DOP1B: variants seen among roughly 807,000 people sequenced by gnomAD.
The protein encoded by DOP1B is DOP1 leucine zipper like protein B.
DOP1B carries 174 observed loss-of-function variants against 233.5 expected under a neutral mutation model. The ratio of observed to expected loss-of-function variants is 0.75; its 90% CI spans 0.66 to 0.85. The LOEUF (loss-of-function observed/expected upper bound fraction) is 0.85. Among genes scored for constraint, DOP1B ranks in the 40% least tolerant of loss-of-function variants. The pLI is 0.00. For synonymous variants in DOP1B, 1,190 were observed against 1,185.6 expected, an observed-to-expected ratio of 1.00 and a Z score of -0.08; for missense variants, 2,652 against 2,846.6, an observed-to-expected ratio of 0.93 and a Z score of 1.56.
chr21:36,240,105 G>A, intron 18 of DOP1B, 150 bp downstream of exon 18: 1 of 915,148 alleles, frequency 1.1e-6, no homozygotes, highest in Admixed American at 3.1e-5. Context: ...GGCAATTTAA[G>A]GACCTAGTGA....
Position 36,237,674 on chromosome 21 carries a change from G to C in DOP1B, c.2775+260G>C, listed in dbSNP as rs190001801. On this transcript the variant is annotated intron_variant, in intron 16 of 36. Transcript: ENST00000691173. ...GAAACCTGCCCAAACTTGCTGGAAGGACTTGCAGGGCTTCTGCAGGTGTTG... is the reference window on the plus strand; with the variant it reads ...GAAACCTGCCCAAACTTGCTGGAAGCACTTGCAGGGCTTCTGCAGGTGTTG... 1.9e-3 allele frequency among the ~76,000 whole-genome samples: 293 copies of C among 152,322 alleles called. 1 individual carries two copies. Among genetic ancestry groups the C allele is most frequent in the Middle Eastern group, 6.8e-3 (2 of 294 alleles).
At chr21:36,179,024 A>T (rs2066064644) in intron 2 of DOP1B, among the ~76,000 whole-genome samples, 1 of 151,928 alleles carries the variant, frequency 6.6e-6, no homozygotes, top group Admixed American at 6.6e-5. Flanking sequence ...ATTTGTTTGC[A>T]TTTTCTGAAA....
intron 31 of DOP1B, among the ~76,000 whole-genome samples, chr21:36,280,956 C>G (rs1243232448): frequency 6.6e-6 from 1 of 151,288 alleles, no homozygotes; most frequent in Non-Finnish European, 1.5e-5. Flanking sequence ...GAGCCAAGAT[C>G]GTGCCACTGC....
intron 13 of DOP1B, 49 bp downstream of exon 13, chr21:36,227,926 A>G (rs1414113983): frequency 6.7e-7 from 1 of 1,486,316 alleles, no homozygotes; most frequent in Non-Finnish European, 9.0e-7. Context: ...AAAGCAGCTT[A>G]TGCCTTCCTG....
chr21:36,214,374 A>C, intron 8 of DOP1B, 68 bp from the exon 9 acceptor site: 1 of 1,478,392 alleles, frequency 6.8e-7, no homozygotes, highest in East Asian at 2.3e-5. Context: ...AACAATTAGA[A>C]TAGCCAGTAA....
At chr21:36,256,233 G>A (rs2067095740) in intron 23 of DOP1B, among the ~76,000 whole-genome samples, 1 of 152,108 alleles carries the variant, frequency 6.6e-6, no homozygotes, top group South Asian at 2.1e-4. Context: ...TTTAGTCCAG[G>A]AGTTCGAGAC....
Position 36,248,512 on chromosome 21 carries a change from G to A in DOP1B, c.4942G>A (p.Val1648Ile). ...LRKEETQKRPVDLLGATKGSS... is the reference protein window; with the variant it reads ...LRKEETQKRPIDLLGATKGSS... Reference sequence around the variant, plus strand: ...AAAGGAGGAGACTCAAAAGAGACCTGTCGATCTCCTAGGGGCCACGAAGGG... The same window carrying A: ...AAAGGAGGAGACTCAAAAGAGACCTATCGATCTCCTAGGGGCCACGAAGGG... The change falls in exon 21 of 37, where the codon GTC (valine) becomes ATC (isoleucine). Residue 1648 changes from valine (V) to isoleucine (I), a missense_variant. Val to Ile is a conservative substitution (Grantham distance 29, BLOSUM62 3). Transcript: ENST00000691173. The A allele has an allele frequency of 6.2e-7, 1 of 1,614,120 alleles. No homozygotes were observed. The highest frequency in any genetic ancestry group is 1.3e-5 in the African/African-American group (1 of 75,054).
Position 36,227,775 on chromosome 21 carries a change from T to G in DOP1B, c.1563T>G (p.Ser521Arg), listed in dbSNP as rs982717586. The G allele has an allele frequency of 1.2e-6, 2 of 1,613,720 alleles. No individual in the cohort carries two copies. The highest frequency in any genetic ancestry group is 1.7e-6 in the Non-Finnish European group (2 of 1,179,704). Residue 521 changes from serine (S) to arginine (R), a missense_variant, in exon 13 of 37, where the codon AGT (serine) becomes AGG (arginine). Physicochemically the swap from Ser to Arg is moderately radical, Grantham distance 110. Coordinates refer to ENST00000691173, the MANE Select transcript of DOP1B (RefSeq NM_001320714.2). ...TTGCTGAGGACATGGAGGCCTTAAG[T>G]TTACCTGAACTCACGCATGCCTTGA... ...QPLAEDMEAL[S>R]LPELTHALKT...
At chr21:36,198,084 CA>C (rs2066313831) in intron 2 of DOP1B, among the ~76,000 whole-genome samples, 1 of 151,096 alleles carries the variant, frequency 6.6e-6, no homozygotes, top group South Asian at 2.1e-4. Context: ...TTTGTGTGAG[CA>C]AATGAACTAC....
chr21:36,205,306 A>G (rs941279134), intron 4 of DOP1B, among the ~76,000 whole-genome samples: 1 of 152,004 alleles, frequency 6.6e-6, no homozygotes, highest in Non-Finnish European at 1.5e-5. Flanking sequence ...AGAGAGCATA[A>G]GCTGGGATGA....
chr21:36,209,417 T>C (rs2066466838), intron 5 of DOP1B, among the ~76,000 whole-genome samples: 1 of 152,188 alleles, frequency 6.6e-6, no homozygotes, highest in Non-Finnish European at 1.5e-5. Flanking sequence ...TTCAAATAAG[T>C]GTTCACACCC....
At chr21:36,262,034 A>T in intron 24 of DOP1B, 1 of 904,466 alleles carries the variant, frequency 1.1e-6, no homozygotes, top group Non-Finnish European at 1.3e-6. Flanking sequence ...AGGCTCCTTG[A>T]TTCACACAGT....
chr21:36,292,206 T>C lies in DOP1B; in HGVS notation c.6618T>C (p.Ile2206=). The change falls in exon 36 of 37, where the codon ATT becomes ATC. Residue 2206 remains isoleucine, a synonymous_variant. Transcript: ENST00000691173. ...HQECKPHTVR[I]LELLKLKFGE... is the part of the protein sequence containing the mutation. ...AATGCAAACCCCACACTGTCAGGATTCTAGAACTTCTAAAATTAAAGTTTG... is the reference window on the plus strand; with the variant it reads ...AATGCAAACCCCACACTGTCAGGATCCTAGAACTTCTAAAATTAAAGTTTG... 6.3e-7 allele frequency: 1 copy of C among 1,597,394 alleles called. No individual in the cohort carries two copies. Among genetic ancestry groups the C allele is most frequent in the Non-Finnish European group, 8.5e-7 (1 of 1,175,150 alleles).
chr21:36,199,134 C>T lies in DOP1B; in HGVS notation c.203C>T (p.Ala68Val), dbSNP rs1318661989. ...PRRLLISKRL[A>V]QCLHPALPSG... ...CGGCTCCTCATCAGCAAAAGATTAG[C>T]TCAGTGTTTGCACCCTGCCCTGCCC... is the stretch of plus-strand genomic sequence containing the variant. Residue 68 changes from alanine (A) to valine (V), a missense_variant, in exon 3 of 37, where the codon GCT becomes GTT. By Grantham distance (64) the Ala-to-Val change is moderately conservative. Around this residue, in one of 3 missense-constraint regions of DOP1B, gnomAD observed 2,617 missense variants for 2,794.3 expected, o/e 0.94. Coordinates refer to ENST00000691173, the MANE Select transcript of DOP1B (RefSeq NM_001320714.2). The T allele has an allele frequency of 6.2e-7, 1 of 1,614,136 alleles. No individual in the cohort carries two copies. Among genetic ancestry groups the T allele is most frequent in the Non-Finnish European group, 8.5e-7 (1 of 1,180,020 alleles).
intron 15 of DOP1B, among the ~76,000 whole-genome samples, chr21:36,235,864 G>A (rs979861254): frequency 1.3e-4 from 10 of 74,908 alleles, no homozygotes; most frequent in Admixed American, 1.2e-3. Context: ...CAAGGAAGTC[G>A]GGGGGGGGGC....
Position 36,201,130 on chromosome 21 carries a change from T to C in DOP1B, c.491+629T>C, listed in dbSNP as rs551554948. Among the ~76,000 whole-genome samples, 53 of 152,212 alleles carry C rather than the reference T, an allele frequency of 3.5e-4. 1 individual carries two copies. The East Asian group carries it at 0.01, about 29-fold the overall frequency. ...AGTCACCATGTGTGGAGGGAAGACA[T>C]ACCCTCTTAGGGCGCCTAGTGTGGA... is the stretch of plus-strand genomic sequence containing the variant. On this transcript the variant is annotated intron_variant, in intron 4 of 36. Coordinates refer to ENST00000691173, the MANE Select transcript of DOP1B (RefSeq NM_001320714.2).
chr21:36,255,122 G>GGTTTT (rs1354334893), intron 23 of DOP1B, among the ~76,000 whole-genome samples: 2 of 150,442 alleles, frequency 1.3e-5, no homozygotes, highest in East Asian at 3.9e-4. Flanking sequence ...GCTAACTTTT[G>GGTTTT]GTTTTGTTTT....
chr21:36,227,358 T>C (rs542131144), intron 12 of DOP1B, among the ~76,000 whole-genome samples: 31 of 151,486 alleles, frequency 2.0e-4, no homozygotes, highest in African/African-American at 7.3e-4. Context: ...CCATCCTGGC[T>C]AACACGGTGA....
chr21:36,178,834 A>G (rs1209290710), intron 2 of DOP1B, among the ~76,000 whole-genome samples: 1 of 152,200 alleles, frequency 6.6e-6, no homozygotes, highest in Non-Finnish European at 1.5e-5. Context: ...ATAAACTGCA[A>G]GCATTTAGAA....
Sources: allele counts gnomAD v4.1 joint callset (sites outside exome capture counted in the v4.1 genomes callset), GRCh38; gene constraint gnomAD v4.1.1; regional missense constraint gnomAD v4.1.1; transcripts MANE v1.5; gene names NCBI Gene and HGNC (gene_info 2026-07-23, HGNC 2026-07-21).